Variants in SEC61A1 observed in about 807,000 individuals in gnomAD.
The protein encoded by SEC61A1 is SEC61 translocon subunit alpha 1, also known as protein transport protein Sec61 subunit alpha isoform 1.
Under a neutral mutation model 55.2 loss-of-function variants are expected in SEC61A1, and 15 were observed. The ratio of observed to expected loss-of-function variants is 0.27; its 90% CI spans 0.18 to 0.42. The LOEUF is 0.42. Among genes scored for constraint, SEC61A1 ranks in the 10% least tolerant of loss-of-function variants. SEC61A1 has a pLI of 1.00. For synonymous variants in SEC61A1, 247 were observed against 234.0 expected (o/e 1.06, Z -0.51); for missense variants, 284 against 602.6 (o/e 0.47, Z 5.53).
intron 2 of SEC61A1, among the ~76,000 whole-genome samples, chr3:128,054,899 C>T (rs950548762): frequency 6.6e-6 from 1 of 152,164 alleles, no homozygotes; most frequent in Non-Finnish European, 1.5e-5. Flanking sequence ...ATTCTTGTCA[C>T]CTATGCAACC....
intron 8 of SEC61A1, 134 bp downstream of exon 8, chr3:128,065,171 C>A: frequency 9.7e-7 from 1 of 1,031,280 alleles, no homozygotes; most frequent in Non-Finnish European, 1.5e-6. Flanking sequence ...TATTTGAAGG[C>A]AGCAGGTTTC....
chr3:128,053,008 C>T (rs1941713301), intron 2 of SEC61A1, 106 bp downstream of exon 2: 2 of 765,340 alleles, frequency 2.6e-6, no homozygotes, highest in Non-Finnish European at 4.3e-6. Flanking sequence ...GGAAACTCTC[C>T]CTTCTCTTCC....
chr3:128,061,400 T>C (rs1378056067), intron 7 of SEC61A1, among the ~76,000 whole-genome samples: 1 of 152,224 alleles, frequency 6.6e-6, no homozygotes, highest in Non-Finnish European at 1.5e-5. Flanking sequence ...GAGTGTGACT[T>C]ATTAGGGAAA....
chr3:128,055,678 C>G lies in SEC61A1; in HGVS notation c.147C>G (p.Pro49=). The G allele has an allele frequency of 6.2e-7, 1 of 1,614,008 alleles. No homozygotes were observed. The highest frequency in any genetic ancestry group is 2.2e-5 in the East Asian group (1 of 44,890). ...TGCTCTTTGCCTGTTCCCAGATTCCCCTGTTTGGGATCATGTCTTCAGATT... is the reference window on the plus strand; with the variant it reads ...TGCTCTTTGCCTGTTCCCAGATTCCGCTGTTTGGGATCATGTCTTCAGATT... ...LFIFLVCCQI[P]LFGIMSSDSA... The change falls in exon 4 of 12, where the codon CCC becomes CCG. Residue 49 remains proline, a synonymous_variant. Coordinates refer to ENST00000243253, the MANE Select transcript of SEC61A1 (RefSeq NM_013336.4).
At position 128,069,800 on chromosome 3, in the gene SEC61A1, A is replaced by G. The variant is rs1942102608; in HGVS notation, c.*138A>G. On this transcript the variant is annotated 3_prime_UTR_variant, in exon 12 of 12. Coordinates refer to ENST00000243253, the MANE Select transcript of SEC61A1 (RefSeq NM_013336.4). ...TCGTATTCTTTCATTCCACTGTGTAAAGTGCTAGACATTTTCCAATTTAAA... is the reference window on the plus strand; with the variant it reads ...TCGTATTCTTTCATTCCACTGTGTAGAGTGCTAGACATTTTCCAATTTAAA... The G allele has an allele frequency of 1.3e-6, 1 of 786,460 alleles. No homozygotes were observed. 48.7% of individuals were successfully genotyped at this position (786,460 alleles called of 1,614,324 possible). A position where few individuals can be genotyped will look rare whatever the true frequency, so the allele number is the denominator to read the frequency against.
At chr3:128,065,243 A>G (rs1343376874) in intron 8 of SEC61A1, 4 of 659,654 alleles carry the variant, frequency 6.1e-6, no homozygotes. Context: ...AAACAAAATT[A>G]AGGCAGTTCT....
At chr3:128,066,907 G>A in intron 8 of SEC61A1, 47 bp from the exon 9 acceptor site, 1 of 1,589,598 alleles carries the variant, frequency 6.3e-7, no homozygotes, top group Non-Finnish European at 8.6e-7. Context: ...TGTGCAGCAG[G>A]CTGAAATGAG....
chr3:128,065,391 T>C (rs1353109765), intron 8 of SEC61A1: 2 of 552,410 alleles, frequency 3.6e-6, no homozygotes, highest in Non-Finnish European at 6.3e-6. Context: ...TTGTATGATA[T>C]TTATAGGTAA....
Position 128,069,732 on chromosome 3 carries a change from C to G in SEC61A1, c.*70C>G. On this transcript the variant is annotated 3_prime_UTR_variant, in exon 12 of 12. Coordinates refer to ENST00000243253, the MANE Select transcript of SEC61A1 (RefSeq NM_013336.4). The stretch of plus-strand genomic sequence containing the variant: ...CGGAAGGGGAGCTCTCATCATGGCG[C>G]GTGCTGCTGCGGCATATGGACTTTT... 1 of 1,296,124 alleles carries G rather than the reference C, an allele frequency of 7.7e-7. No individual in the cohort carries two copies. The highest frequency in any genetic ancestry group is 1.1e-6 in the Non-Finnish European group (1 of 907,926). 80.3% of individuals were successfully genotyped at this position (1,296,124 alleles called of 1,614,324 possible). A position where few individuals can be genotyped will look rare whatever the true frequency, so the allele number is the denominator to read the frequency against.
At chr3:128,055,111 C>T (rs544958357) in intron 2 of SEC61A1, among the ~76,000 whole-genome samples, 1 of 152,136 alleles carries the variant, frequency 6.6e-6, no homozygotes, top group Non-Finnish European at 1.5e-5. Flanking sequence ...AGTGGTTGCT[C>T]GTGTGTTTTA....
At chr3:128,056,070 C>G (rs1016249188) in intron 4 of SEC61A1, among the ~76,000 whole-genome samples, 4 of 152,270 alleles carry the variant, frequency 2.6e-5, no homozygotes, top group African/African-American at 9.6e-5. Context: ...CCATTGATAA[C>G]ATTCTTCAGA....
intron 6 of SEC61A1, 24 bp downstream of exon 6, chr3:128,060,235 C>G: frequency 2.0e-6 from 3 of 1,486,494 alleles, no homozygotes; most frequent in Admixed American, 1.7e-5. Context: ...TAACATCTCC[C>G]TTTGAGTAGC....
chr3:128,056,937 ATTTT>A, intron 5 of SEC61A1, 97 bp downstream of exon 5: 20 of 850,704 alleles, frequency 2.4e-5, no homozygotes, highest in Middle Eastern at 4.3e-4. Flanking sequence ...TTTATTTTTT[ATTTT>A]TTTTTTTTTT....
At chr3:128,054,431 A>T (rs963180788) in intron 2 of SEC61A1, among the ~76,000 whole-genome samples, 2 of 152,204 alleles carry the variant, frequency 1.3e-5, no homozygotes, top group Admixed American at 1.3e-4. Flanking sequence ...GTAGGTGGGA[A>T]GAGGACCATT....
Position 128,056,746 on chromosome 3 carries a change from G to T in SEC61A1, c.258G>T (p.Thr86=). The change falls in exon 5 of 12, where the codon ACG becomes ACT. Residue 86 remains threonine, a synonymous_variant. Transcript: ENST00000243253. ...LMELGISPIV[T]SGLIMQLLAG... is the part of the protein sequence containing the mutation. ...AGCTAGGGATCTCTCCTATTGTCAC[G>T]TCTGGCCTTATAATGCAACTCTTGG... 1 of 1,609,178 alleles carries T rather than the reference G, an allele frequency of 6.2e-7. No homozygotes were observed. The highest frequency in any genetic ancestry group is 8.5e-7 in the Non-Finnish European group (1 of 1,177,716).
intron 2 of SEC61A1, among the ~76,000 whole-genome samples, chr3:128,054,818 C>T (rs573889538): frequency 6.6e-6 from 1 of 152,320 alleles, no homozygotes; most frequent in Admixed American, 6.5e-5. Flanking sequence ...CCACTCTACT[C>T]TTTAGTGACA....
At chr3:128,057,018 C>T (rs1941781949) in intron 5 of SEC61A1, among the ~76,000 whole-genome samples, 178 bp downstream of exon 5, 1 of 151,746 alleles carries the variant, frequency 6.6e-6, no homozygotes, top group African/African-American at 2.4e-5. Flanking sequence ...CTCACTGCAA[C>T]CTCCACCTCC....
At chr3:128,066,308 T>A (rs529267644) in intron 8 of SEC61A1, among the ~76,000 whole-genome samples, 56 of 152,022 alleles carry the variant, frequency 3.7e-4, no homozygotes, top group Non-Finnish European at 6.6e-4. Flanking sequence ...GGGATTTGGG[T>A]GTGTGGCCTC....
chr3:128,069,827 T>C lies in SEC61A1; in HGVS notation c.*165T>C, dbSNP rs756380184. On this transcript the variant is annotated 3_prime_UTR_variant, in exon 12 of 12. Coordinates refer to ENST00000243253, the MANE Select transcript of SEC61A1 (RefSeq NM_013336.4). ...GTGCTAGACATTTTCCAATTTAAAA[T>C]TTTGCTTTTTATCCTGGCACTGGCA... 2.1e-4 allele frequency: 150 copies of C among 700,914 alleles called. 1 individual carries two copies. The highest frequency in any genetic ancestry group is 7.7e-4 in the Middle Eastern group (2 of 2,604). 43.4% of individuals were successfully genotyped at this position (700,914 alleles called of 1,614,324 possible). A position where few individuals can be genotyped will look rare whatever the true frequency, so the allele number is the denominator to read the frequency against.
Sources: allele counts gnomAD v4.1 joint callset (sites outside exome capture counted in the v4.1 genomes callset), GRCh38; gene constraint gnomAD v4.1.1; transcripts MANE v1.5; gene names NCBI Gene and HGNC (gene_info 2026-07-23, HGNC 2026-07-21).